The following ANKMY1 variants were observed in gnomAD, a reference collection of about 807,000 sequenced individuals.
ANKMY1 encodes ankyrin repeat and MYND domain-containing protein 1.
ANKMY1 carries 98 observed loss-of-function variants against 102.0 expected under a neutral mutation model. That is an observed-to-expected ratio of 0.96 (90% CI 0.82 to 1.14). ANKMY1 has a LOEUF of 1.14. Ranked by LOEUF, ANKMY1 falls within the 50% of genes most tolerant of loss-of-function variation. The pLI, the probability that ANKMY1 is intolerant of heterozygous loss-of-function variation, is 0.00. For missense variants in ANKMY1, 1,330 were observed against 1,347.6 expected, an observed-to-expected ratio of 0.99 and a Z score of 0.20; for synonymous variants, 582 against 559.9, an observed-to-expected ratio of 1.04 and a Z score of -0.56.
At chr2:240,553,339 C>T in intron 3 of ANKMY1, 1 of 418,826 alleles carries the variant, frequency 2.4e-6, no homozygotes, top group South Asian at 2.4e-5. Flanking sequence ...GTCAGGAGAG[C>T]ACGGACATGC....
At chr2:240,504,526 C>T (rs2078734575) in intron 13 of ANKMY1, among the ~76,000 whole-genome samples, 1 of 151,778 alleles carries the variant, frequency 6.6e-6, no homozygotes, top group Non-Finnish European at 1.5e-5. Context: ...AATTACATAC[C>T]CGATAAGGGA....
At chr2:240,476,627 C>A (rs1030622690), downstream of ANKMY1, among the ~76,000 whole-genome samples, 1 of 152,212 alleles carries the variant, frequency 6.6e-6, no homozygotes, top group African/African-American at 2.4e-5. Flanking sequence ...CCTACGGCAA[C>A]TAAGAGGCAG....
chr2:240,504,245 C>T (rs948524132), intron 13 of ANKMY1, among the ~76,000 whole-genome samples: 2 of 152,224 alleles, frequency 1.3e-5, no homozygotes, highest in Non-Finnish European at 2.9e-5. Flanking sequence ...TATGTATACC[C>T]CCAAGCCAGG....
At chr2:240,480,232 G>C (rs188977380) in intron 17 of ANKMY1, among the ~76,000 whole-genome samples, 151 of 152,272 alleles carry the variant, frequency 9.9e-4, no homozygotes, top group African/African-American at 3.5e-3. Context: ...GGGGGAAGGA[G>C]GTCAGCAGCC....
intron 16 of ANKMY1, among the ~76,000 whole-genome samples, chr2:240,481,975 C>A (rs2075446368): frequency 6.6e-6 from 1 of 152,162 alleles, no homozygotes; most frequent in South Asian, 2.1e-4. Context: ...TATGACTCTG[C>A]ACCCTCATCT....
the ANKMY1 span, among the ~76,000 whole-genome samples, chr2:240,470,360 C>T: frequency 1.3e-5 from 2 of 152,198 alleles, no homozygotes; most frequent in South Asian, 4.1e-4. Context: ...CCAACAAGGC[C>T]ACCACAGCTT....
chr2:240,469,062 C>T, the ANKMY1 span, among the ~76,000 whole-genome samples: 1 of 152,178 alleles, frequency 6.6e-6, no homozygotes, highest in Admixed American at 6.5e-5. Flanking sequence ...AGCGGGGCCC[C>T]TAGGGGACAG....
intron 4 of ANKMY1, among the ~76,000 whole-genome samples, chr2:240,534,249 C>T (rs898279111): frequency 5.3e-5 from 8 of 152,218 alleles, no homozygotes; most frequent in African/African-American, 1.9e-4. Flanking sequence ...CAGGACTTGA[C>T]TCCTGTAATC....
rs777984042 is a variant in ANKMY1 at position 240,500,486 on chromosome 2, G to C, written c.2606C>G (p.Thr869Arg). 1 of 1,614,160 alleles carries C rather than the reference G, an allele frequency of 6.2e-7. No individual in the cohort carries two copies. Among genetic ancestry groups the C allele is most frequent in the Non-Finnish European group, 8.5e-7 (1 of 1,180,006 alleles). Residue 869 changes from threonine to arginine, a missense_variant, in exon 14 of 18, where the codon ACA becomes AGA. Coordinates refer to ENST00000401804, the MANE Select transcript of ANKMY1 (RefSeq NM_001282771.3). Reference protein sequence around the residue: ...LRQGEKEAVGTAVDYGYFRFF... With the variant: ...LRQGEKEAVGRAVDYGYFRFF... Reference sequence around the variant, plus strand: ...TCTGAAGTAGCCATAGTCCACGGCTGTGCCCACTGCCTCCTTTTCTCCCTG... The same window carrying C: ...TCTGAAGTAGCCATAGTCCACGGCTCTGCCCACTGCCTCCTTTTCTCCCTG...
chr2:240,481,864 C>T (rs1313086193), intron 16 of ANKMY1, among the ~76,000 whole-genome samples: 1 of 152,132 alleles, frequency 6.6e-6, no homozygotes, highest in East Asian at 1.9e-4. Context: ...CCCCACTCAG[C>T]GGCCGTCTCT....
the ANKMY1 span, among the ~76,000 whole-genome samples, chr2:240,469,047 G>T: frequency 6.6e-6 from 1 of 152,182 alleles, no homozygotes; most frequent in Non-Finnish European, 1.5e-5. Context: ...GCAGCCTGGG[G>T]GCTCAGCGGG....
chr2:240,498,429 G>A (rs1438707291), intron 15 of ANKMY1, among the ~76,000 whole-genome samples: 2 of 150,602 alleles, frequency 1.3e-5, no homozygotes, highest in African/African-American at 4.9e-5. Context: ...GCAGTGTGCT[G>A]TGTGGGTGGG....
chr2:240,520,320 T>G lies in ANKMY1; in HGVS notation c.2004+42A>C. On this transcript the variant is annotated intron_variant, in intron 9 of 17. Transcript: ENST00000401804. This position sits in a 1 kb window ranked among gnomAD's most constrained non-coding sequence, Gnocchi z 4.8. ...GAGCTTCCCGGCCAGTGCCCGGGAG[T>G]CTGCTGCGCTCGTCCCGGCGCCCGC... 1 of 1,500,826 alleles carries G rather than the reference T, an allele frequency of 6.7e-7. No individual in the cohort carries two copies. Among genetic ancestry groups the G allele is most frequent in the Non-Finnish European group, 8.9e-7 (1 of 1,119,142 alleles). 93.0% of individuals were successfully genotyped at this position (1,500,826 alleles called of 1,614,324 possible). A position where few individuals can be genotyped will look rare whatever the true frequency, so the allele number is the denominator to read the frequency against.
intron 4 of ANKMY1, 95 bp downstream of exon 4, chr2:240,552,794 TAAAAAAGCTACTTGTAGCTAAACAA>T (rs776425552): frequency 1.3e-6 from 2 of 1,491,204 alleles, no homozygotes; most frequent in South Asian, 2.3e-5. Flanking sequence ...TCATTAAAAG[TAAAAAAGCTACTTGTAGCTAAACAA>T]ATAAACTTCC....
At chr2:240,512,714 G>C in intron 10 of ANKMY1, 88 bp downstream of exon 10, 1 of 1,449,152 alleles carries the variant, frequency 6.9e-7, no homozygotes, top group Non-Finnish European at 9.2e-7. Context: ...ATCATGCTCG[G>C]CAAGCACAGG....
At position 240,479,468 on chromosome 2, in the gene ANKMY1, G is replaced by A. The variant is rs2075087009; in HGVS notation, c.*141C>T. ...GGGCCAATTTATTGCGAGGTCGCAA[G>A]GGAGACACTGCTACAAAGCATGACC... On this transcript the variant is annotated 3_prime_UTR_variant, in exon 18 of 18. Transcript: ENST00000401804. 3.9e-6 allele frequency: 4 copies of A among 1,017,878 alleles called. No homozygotes were observed. Among genetic ancestry groups the A allele is most frequent in the Non-Finnish European group, 5.9e-6 (4 of 674,688 alleles). The allele number at this position is 1,017,878 out of a possible 1,614,324, so 63.1% of individuals were successfully genotyped here.
At chr2:240,553,200 A>T in intron 3 of ANKMY1, 143 bp from the exon 4 acceptor site, 3 of 1,003,438 alleles carry the variant, frequency 3.0e-6, no homozygotes, top group Non-Finnish European at 1.4e-6. Context: ...CTGGCATGCG[A>T]CTATTAGAGT....
At chr2:240,470,328 G>A in the ANKMY1 span, among the ~76,000 whole-genome samples, 2 of 152,312 alleles carry the variant, frequency 1.3e-5, no homozygotes, top group African/African-American at 4.8e-5. Flanking sequence ...AGAGTCTAGG[G>A]AAGGTGGGAT....
chr2:240,497,774 A>G (rs2077455535), intron 15 of ANKMY1, among the ~76,000 whole-genome samples: 1 of 152,136 alleles, frequency 6.6e-6, no homozygotes, highest in Admixed American at 6.5e-5. Context: ...TGTGAAGCTC[A>G]CTGTTTTATG....
Sources: gnomAD v4.1 joint callset for allele counts (sites outside exome capture counted in the v4.1 genomes callset) on GRCh38, gnomAD v4.1.1 for gene constraint, Gnocchi (gnomAD v3.1) non-coding constraint, MANE v1.5 for transcripts, NCBI Gene and HGNC (gene_info 2026-07-23, HGNC 2026-07-21) for gene names.